Variants in ZZEF1 observed in about 807,000 individuals in gnomAD.
The protein encoded by ZZEF1 is zinc finger ZZ-type and EF-hand domain-containing protein 1.
A neutral mutation model predicts 342.8 loss-of-function variants in ZZEF1; 157 were observed. The observed-to-expected ratio is 0.46, with a 90% CI of 0.40 to 0.52. The LOEUF is 0.52. Ranked by LOEUF, ZZEF1 falls within the 20% of genes least tolerant of loss-of-function variation. ZZEF1 has a pLI of 0.00. For missense variants in ZZEF1, 3,480 were observed against 3,725.6 expected, an observed-to-expected ratio of 0.93 and a Z score of 1.72; for synonymous variants, 1,505 against 1,429.1, an observed-to-expected ratio of 1.05 and a Z score of -1.20.
chr17:4,058,265 C>T (rs2057210192), intron 31 of ZZEF1, 110 bp from the exon 32 acceptor site: 1 of 1,192,430 alleles, frequency 8.4e-7, no homozygotes, highest in Non-Finnish European at 1.2e-6. Context: ...AAGGGAACTT[C>T]ACATTGCTGG....
At position 4,052,227 on chromosome 17, in the gene ZZEF1, C is replaced by T. The variant is rs139493500; in HGVS notation, c.5435-91G>A. 255 of 1,301,620 alleles carry T rather than the reference C, an allele frequency of 2.0e-4. 2 individuals are homozygous for T. In the African/African-American group the frequency reaches 3.1e-3, roughly 16 times the overall value. The allele number at this position is 1,301,620 out of a possible 1,614,324, so 80.6% of individuals were successfully genotyped here. ...CCCAAACCAACCCCAGCACCAGGGCCGTTCCCAAGTGACTGCTCAGGGATA... is the reference window on the plus strand; with the variant it reads ...CCCAAACCAACCCCAGCACCAGGGCTGTTCCCAAGTGACTGCTCAGGGATA... On this transcript the variant is annotated intron_variant, in intron 34 of 54. Transcript: ENST00000381638.
At chr17:4,039,244 G>C (rs2056744102) in intron 39 of ZZEF1, among the ~76,000 whole-genome samples, 1 of 152,264 alleles carries the variant, frequency 6.6e-6, no homozygotes, top group Admixed American at 6.5e-5. Flanking sequence ...GAGGTGGGCA[G>C]ACTGCTTGAG....
At chr17:4,113,469 C>T (rs375164644) in intron 4 of ZZEF1, among the ~76,000 whole-genome samples, 1 of 152,204 alleles carries the variant, frequency 6.6e-6, no homozygotes, top group East Asian at 1.9e-4. Context: ...AGCTTGAGAC[C>T]AGCCTGCCAA....
In ZZEF1 at chr17:4,022,731, G is replaced by A. The variant is rs377685988; in HGVS notation, c.7190C>T (p.Thr2397Met). ...KCSKGTGFSKTWLLRDLEILS... is the reference protein window; with the variant it reads ...KCSKGTGFSKMWLLRDLEILS... ...TACTTCCAGGTCCCGGAGGAGCCACGTTTTACTAAAGCCAGTCCCTTTGCT... is the reference window on the plus strand; with the variant it reads ...TACTTCCAGGTCCCGGAGGAGCCACATTTTACTAAAGCCAGTCCCTTTGCT... The change falls in exon 44 of 55, where the codon ACG becomes ATG. Residue 2397 changes from threonine to methionine, a missense_variant. By Grantham distance (81) the Thr-to-Met change is moderately conservative (BLOSUM62 -1). Coordinates refer to ENST00000381638, the MANE Select transcript of ZZEF1 (RefSeq NM_015113.4). 2.3e-5 allele frequency: 37 copies of A among 1,613,772 alleles called. No homozygotes were observed. Among genetic ancestry groups the A allele is most frequent in the Non-Finnish European group, 2.5e-5 (30 of 1,179,990 alleles).
Position 4,024,190 on chromosome 17 carries a change from T to TTTTG in ZZEF1, c.7092+728_7092+729insCAAA, listed in dbSNP as rs1555578401. ...TCCATGCCAAATATTGCCCAGGTTT[T>TTTTG]TTTTTTTTTTTTTTTTTTTTTTTTA... On this transcript the variant is annotated intron_variant, in intron 43 of 54. Coordinates refer to ENST00000381638, the MANE Select transcript of ZZEF1 (RefSeq NM_015113.4). Among the ~76,000 whole-genome samples, 509 of 125,296 alleles carry TTTTG rather than the reference T, an allele frequency of 4.1e-3. 8 individuals are homozygous for TTTTG. The highest frequency in any genetic ancestry group is 0.015 in the Middle Eastern group (4 of 268). 82.2% of individuals were successfully genotyped at this position (125,296 alleles called of 152,430 possible).
intron 16 of ZZEF1, among the ~76,000 whole-genome samples, chr17:4,083,494 TCTC>T (rs2057762374): frequency 6.6e-6 from 1 of 152,166 alleles, no homozygotes; most frequent in Non-Finnish European, 1.5e-5. Context: ...TCCTTCCTCT[TCTC>T]TGAAACCTTC....
intron 43 of ZZEF1, among the ~76,000 whole-genome samples, chr17:4,024,496 G>A (rs1215547240): frequency 6.6e-6 from 1 of 152,084 alleles, no homozygotes; most frequent in Non-Finnish European, 1.5e-5. Flanking sequence ...ACTGTGCCTG[G>A]CCATCGCCCA....
At position 4,006,606 on chromosome 17, in the gene ZZEF1, C is replaced by T. The variant is rs1033054359; in HGVS notation, c.*284G>A. 1 of 458,642 alleles carries T rather than the reference C, an allele frequency of 2.2e-6. No homozygotes were observed. 28.4% of individuals were successfully genotyped at this position (458,642 alleles called of 1,614,324 possible). A position where few individuals can be genotyped will look rare whatever the true frequency, so the allele number is the denominator to read the frequency against. ...AGGCCCACGGCTCCTGCAGTGACAG[C>T]CTCTGGAGAAGGCTGGTCTCTGAAC... On this transcript the variant is annotated 3_prime_UTR_variant, in exon 55 of 55. Transcript: ENST00000381638.
chr17:4,006,275 C>G lies in ZZEF1; in HGVS notation c.*615G>C, dbSNP rs188671025. ...ATGAGCAGACGTACAGGGGCGCCTG[C>G]CGGCTGTCCCCAAGGGCACTTGTTC... On this transcript the variant is annotated 3_prime_UTR_variant, in exon 55 of 55. Transcript: ENST00000381638. The G allele has an allele frequency of 2.7e-4, 43 of 156,412 alleles. 1 individual carries two copies. In the East Asian group the frequency reaches 5.4e-3, roughly 20 times the overall value. The allele number at this position is 156,412 out of a possible 1,614,324, so 9.7% of individuals were successfully genotyped here. A position where few individuals can be genotyped will look rare whatever the true frequency, so the allele number is the denominator to read the frequency against.
chr17:4,121,791 C>T (rs1216720380), intron 2 of ZZEF1, among the ~76,000 whole-genome samples: 1 of 151,332 alleles, frequency 6.6e-6, no homozygotes, highest in Non-Finnish European at 1.5e-5. Flanking sequence ...GGCGTGATCA[C>T]GGCTCACTGC....
intron 1 of ZZEF1, among the ~76,000 whole-genome samples, chr17:4,133,944 A>T (rs1483465238): frequency 6.6e-6 from 1 of 152,046 alleles, no homozygotes; most frequent in African/African-American, 2.4e-5. Context: ...GGGTCAAGCA[A>T]TCCTCCTGCC....
At chr17:4,064,214 C>T (rs2057344493) in intron 29 of ZZEF1, 147 bp downstream of exon 29, 2 of 658,692 alleles carry the variant, frequency 3.0e-6, no homozygotes, top group African/African-American at 3.8e-5. Flanking sequence ...AAAAAAAAAT[C>T]AAAACTTTTC....
chr17:4,102,841 T>C (rs1215157503), intron 8 of ZZEF1, among the ~76,000 whole-genome samples: 1 of 152,074 alleles, frequency 6.6e-6, no homozygotes, highest in African/African-American at 2.4e-5. Flanking sequence ...AAATTTCTGT[T>C]TCAAGAATTA....
intron 34 of ZZEF1, among the ~76,000 whole-genome samples, chr17:4,053,619 G>A (rs1432863861): frequency 2.0e-5 from 3 of 152,140 alleles, no homozygotes; most frequent in African/African-American, 7.2e-5. Flanking sequence ...CTTACCACTG[G>A]GCCATGCACA....
In ZZEF1 at chr17:4,085,763, T is replaced by C. The variant is rs764138246; in HGVS notation, c.2553A>G (p.Ile851Met). Residue 851 changes from isoleucine to methionine, a missense_variant, in exon 16 of 55, where the codon ATA becomes ATG. Coordinates refer to ENST00000381638, the MANE Select transcript of ZZEF1 (RefSeq NM_015113.4). ...GGGTATTCCTGACTTCTTGTTTTAG[T>C]ATCTCCATGGGCACAGAGTCTCCAT... is the stretch of plus-strand genomic sequence containing the variant. ...KVDGDSVPME[I>M]LKQEVRNTLL... is the part of the protein sequence containing the mutation. The C allele has an allele frequency of 1.9e-6, 3 of 1,614,160 alleles. No individual in the cohort carries two copies. The highest frequency in any genetic ancestry group is 2.5e-6 in the Non-Finnish European group (3 of 1,180,002).
chr17:4,104,751 A>T lies in ZZEF1; in HGVS notation c.1455T>A (p.Ser485Arg). 1 of 1,614,154 alleles carries T rather than the reference A, an allele frequency of 6.2e-7. No homozygotes were observed. The highest frequency in any genetic ancestry group is 2.2e-5 in the East Asian group (1 of 44,882). The change falls in exon 8 of 55, where the codon AGT (serine) becomes AGA (arginine). Residue 485 changes from serine to arginine, a missense_variant. This residue lies in a region of ZZEF1 where 1,528 missense variants were observed against 1,624.1 expected (regional missense o/e 0.94). Transcript: ENST00000381638. Reference protein sequence around the residue: ...TLLAFALARGSVAKVMSSLCT... With the variant: ...TLLAFALARGRVAKVMSSLCT... The stretch of plus-strand genomic sequence containing the variant: ...ATAGAGAGCTCATGACTTTGGCAAC[A>T]CTTCCTCTTGCGAGAGCAAAAGCCA...
chr17:4,014,087 C>G lies in ZZEF1; in HGVS notation c.8413+3G>C. 6.2e-7 allele frequency: 1 copy of G among 1,613,992 alleles called. No homozygotes were observed. Among genetic ancestry groups the G allele is most frequent in the Non-Finnish European group, 8.5e-7 (1 of 1,179,942 alleles). ...GTGTGAACGCAAAGCCCAGAGCACA[C>G]ACCTGTCTGGAACCGCCCCAGGTGT... is the stretch of plus-strand genomic sequence containing the variant. On this transcript the variant is annotated splice_donor_region_variant and intron_variant, in intron 51 of 54. Transcript: ENST00000381638. This position sits in a 1 kb window ranked among gnomAD's most constrained non-coding sequence, Gnocchi z 4.4.
intron 13 of ZZEF1, among the ~76,000 whole-genome samples, chr17:4,088,444 G>A (rs1015460970): frequency 1.3e-5 from 2 of 152,142 alleles, no homozygotes; most frequent in Non-Finnish European, 2.9e-5. Flanking sequence ...TCTACTCCGG[G>A]AGAAGCCACA....
intron 30 of ZZEF1, among the ~76,000 whole-genome samples, chr17:4,062,220 C>T (rs1274775735): frequency 6.6e-6 from 1 of 152,058 alleles, no homozygotes; most frequent in African/African-American, 2.4e-5. Flanking sequence ...CTTCCCTGAC[C>T]ATCCAAACTA....
Sources: allele counts gnomAD v4.1 joint callset (sites outside exome capture counted in the v4.1 genomes callset), GRCh38; gene constraint gnomAD v4.1.1; regional missense constraint gnomAD v4.1.1; non-coding constraint Gnocchi (gnomAD v3.1); transcripts MANE v1.5; gene names NCBI Gene and HGNC (gene_info 2026-07-23, HGNC 2026-07-21).